Variants in ULK4 observed in about 807,000 individuals in gnomAD.
ULK4 encodes the protein unc-51 like kinase 4.
A neutral mutation model predicts 160.6 loss-of-function variants in ULK4; 133 were observed. The ratio of observed to expected loss-of-function variants is 0.83; its 90% CI spans 0.72 to 0.96. The LOEUF (loss-of-function observed/expected upper bound fraction) is 0.96, where lower values mean the gene tolerates loss of function less well. Ranked by LOEUF, ULK4 falls within the 40% of genes least tolerant of loss-of-function variation. ULK4 has a pLI of 0.00. For missense variants in ULK4, 1,580 were observed against 1,499.5 expected (o/e 1.05, Z -0.89); for synonymous variants, 534 against 539.8 (o/e 0.99, Z 0.15).
chr3:41,857,312 A>T (rs2042384055), intron 17 of ULK4, among the ~76,000 whole-genome samples: 2 of 152,304 alleles, frequency 1.3e-5, no homozygotes, highest in Admixed American at 1.3e-4. Context: ...CTAATGAATG[A>T]TATTTCCAAT....
At chr3:41,358,613 AG>A (rs1335646276) in intron 35 of ULK4, among the ~76,000 whole-genome samples, 1 of 152,114 alleles carries the variant, frequency 6.6e-6, no homozygotes, top group Non-Finnish European at 1.5e-5. Flanking sequence ...AAAAAGGCCT[AG>A]GGGTACAAGT....
chr3:41,389,278 C>A (rs967746984), intron 35 of ULK4, among the ~76,000 whole-genome samples: 1 of 152,110 alleles, frequency 6.6e-6, no homozygotes, highest in Non-Finnish European at 1.5e-5. Flanking sequence ...TGGGCTGAGA[C>A]GATGAGGTTT....
At chr3:41,415,789 T>C (rs1272603020) in intron 34 of ULK4, among the ~76,000 whole-genome samples, 1 of 152,168 alleles carries the variant, frequency 6.6e-6, no homozygotes, top group African/African-American at 2.4e-5. Context: ...TGTCTATTCA[T>C]TTGTCTCAGC....
chr3:41,741,937 C>G (rs543991476), intron 22 of ULK4, among the ~76,000 whole-genome samples: 1 of 151,816 alleles, frequency 6.6e-6, no homozygotes, highest in Non-Finnish European at 1.5e-5. Flanking sequence ...GGGTGCTAGA[C>G]AAGCCTCCAA....
chr3:41,283,794 A>T (rs1427479387), intron 35 of ULK4, among the ~76,000 whole-genome samples: 1 of 151,478 alleles, frequency 6.6e-6, no homozygotes, highest in Non-Finnish European at 1.5e-5. Flanking sequence ...ACAAACAAAC[A>T]GACAAAAAAA....
intron 12 of ULK4, 109 bp downstream of exon 12, chr3:41,907,736 A>C (rs1304499216): frequency 1.6e-6 from 1 of 608,362 alleles, no homozygotes. Flanking sequence ...AGCAAAGATG[A>C]CCTTATTGTA....
chr3:41,265,375 A>G (rs2125680552), intron 35 of ULK4, among the ~76,000 whole-genome samples: 1 of 152,358 alleles, frequency 6.6e-6, no homozygotes, highest in South Asian at 2.1e-4. Context: ...CACTGGAAAC[A>G]GCTGGTAGGG....
intron 30 of ULK4, among the ~76,000 whole-genome samples, chr3:41,630,383 T>A (rs1464912973): frequency 6.6e-6 from 1 of 152,096 alleles, no homozygotes; most frequent in Non-Finnish European, 1.5e-5. Context: ...CAGCTAGGGA[T>A]CTCTCTCAGC....
At chr3:41,765,259 G>C (rs140419846) in intron 21 of ULK4, among the ~76,000 whole-genome samples, 10 of 151,972 alleles carry the variant, frequency 6.6e-5, no homozygotes, top group African/African-American at 2.4e-4. Flanking sequence ...TCCTTTGTAG[G>C]GACATGGATG....
At chr3:41,383,661 G>C (rs914123327) in intron 35 of ULK4, among the ~76,000 whole-genome samples, 1 of 152,076 alleles carries the variant, frequency 6.6e-6, no homozygotes, top group Non-Finnish European at 1.5e-5. Flanking sequence ...AATATTCAGG[G>C]ATTGAATAAA....
chr3:41,425,361 T>A (rs930841610), intron 34 of ULK4, among the ~76,000 whole-genome samples: 1 of 152,106 alleles, frequency 6.6e-6, no homozygotes, highest in Non-Finnish European at 1.5e-5. Flanking sequence ...TGGAACCAAG[T>A]TGGGAAACAT....
chr3:41,771,399 A>C (rs1334326294), intron 21 of ULK4, among the ~76,000 whole-genome samples: 1 of 152,226 alleles, frequency 6.6e-6, no homozygotes, highest in East Asian at 1.9e-4. Context: ...ACATTTATAA[A>C]GAACAAAAGG....
chr3:41,798,056 A>G (rs1264147991), intron 20 of ULK4, among the ~76,000 whole-genome samples: 2 of 152,166 alleles, frequency 1.3e-5, no homozygotes, highest in East Asian at 3.8e-4. Flanking sequence ...TGTAAAATTA[A>G]TGATTCAGAT....
At chr3:41,291,458 A>AGGGAG (rs2079562785) in intron 35 of ULK4, among the ~76,000 whole-genome samples, 1 of 9,870 alleles carries the variant, frequency 1.0e-4, no homozygotes. Context: ...AGGGGAGGGA[A>AGGGAG]GAAGAGGAGG....
chr3:41,541,768 G>A (rs1196194846), intron 32 of ULK4, among the ~76,000 whole-genome samples: 2 of 152,016 alleles, frequency 1.3e-5, no homozygotes, highest in Non-Finnish European at 2.9e-5. Context: ...GGATTCCTAG[G>A]TATTTTATTC....
At chr3:41,297,956 A>C (rs1432738084) in intron 35 of ULK4, among the ~76,000 whole-genome samples, 1 of 152,208 alleles carries the variant, frequency 6.6e-6, no homozygotes, top group Non-Finnish European at 1.5e-5. Context: ...AAGGCCTAAC[A>C]CAAGTCAGTA....
At chr3:41,462,699 T>C (rs2083717478) in intron 33 of ULK4, among the ~76,000 whole-genome samples, 1 of 152,084 alleles carries the variant, frequency 6.6e-6, no homozygotes, top group Non-Finnish European at 1.5e-5. Context: ...ACACAAACCC[T>C]CAATCCATTA....
intron 2 of ULK4, among the ~76,000 whole-genome samples, chr3:41,946,741 G>C (rs186060467): frequency 2.6e-5 from 4 of 152,280 alleles, no homozygotes; most frequent in Admixed American, 1.3e-4. Context: ...TCTCTGTTGT[G>C]ATCAGGTTTC....
intron 35 of ULK4, among the ~76,000 whole-genome samples, chr3:41,378,956 C>G (rs1180887908): frequency 1.3e-5 from 2 of 151,884 alleles, no homozygotes; most frequent in African/African-American, 2.4e-5. Context: ...AACACAGGAA[C>G]AGAAAACCAA....
Sources: allele counts gnomAD v4.1 joint callset (sites outside exome capture counted in the v4.1 genomes callset), GRCh38; gene constraint gnomAD v4.1.1; transcripts MANE v1.5; gene names NCBI Gene and HGNC (gene_info 2026-07-23, HGNC 2026-07-21).